The following SMARCA2 variants were observed in gnomAD, a reference collection of about 807,000 sequenced individuals.
The protein encoded by SMARCA2 is SWI/SNF-related matrix-associated actin-dependent regulator of chromatin subfamily A member 2.
Under a neutral mutation model 199.8 loss-of-function variants are expected in SMARCA2, and 61 were observed. That is an observed-to-expected ratio of 0.31 (90% confidence interval 0.25 to 0.38). SMARCA2 has a LOEUF of 0.38. SMARCA2 is among the 10% of genes least tolerant of loss of function. The probability of loss-of-function intolerance (pLI) is 1.00; values close to 1 mark genes in which losing one functional copy is unlikely to be tolerated. For synonymous variants in SMARCA2, 935 were observed against 732.0 expected, an observed-to-expected ratio of 1.28 and a Z score of -4.48; for missense variants, 1,344 against 2,012.2, an observed-to-expected ratio of 0.67 and a Z score of 6.35.
chr9:2,068,820 A>G (rs1371580312), intron 9 of SMARCA2: 1 of 152,092 alleles, frequency 6.6e-6, no homozygotes, highest in Non-Finnish European at 1.5e-5. Context: ...TAAAGATTTC[A>G]CTTGTCAGAG....
chr9:2,186,935 C>CCTGGAGGGCTTGAAGAATATGCCAGT (rs1554645327), intron 32 of SMARCA2, among the ~76,000 whole-genome samples: 1 of 152,212 alleles, frequency 6.6e-6, no homozygotes, highest in Non-Finnish European at 1.5e-5. Flanking sequence ...GGTTCTCAAA[C>CCTGGAGGGCTTGAAGAATATGCCAGT]CTGGAGGGCT....
At chr9:2,145,509 G>T (rs141730308) in intron 27 of SMARCA2, among the ~76,000 whole-genome samples, 1 of 152,068 alleles carries the variant, frequency 6.6e-6, no homozygotes, top group African/African-American at 2.4e-5. Context: ...GTGGTCAGGC[G>T]GTAGAATCAT....
At chr9:2,165,529 GC>G (rs1204959069) in intron 28 of SMARCA2, among the ~76,000 whole-genome samples, 1 of 152,074 alleles carries the variant, frequency 6.6e-6, no homozygotes, top group Non-Finnish European at 1.5e-5. Flanking sequence ...GTTGCTACTG[GC>G]CCCCATCATT....
chr9:2,027,876 A>G (rs1254688845), intron 1 of SMARCA2: 1 of 152,240 alleles, frequency 6.6e-6, no homozygotes, highest in Non-Finnish European at 1.5e-5. Context: ...ACATCATAAT[A>G]TAGAACAATT....
chr9:2,167,468 A>G (rs1825991533), intron 28 of SMARCA2, among the ~76,000 whole-genome samples: 1 of 152,234 alleles, frequency 6.6e-6, no homozygotes, highest in Non-Finnish European at 1.5e-5. Context: ...CTAGCCTTGA[A>G]GATGGATGCA....
intron 27 of SMARCA2, chr9:2,160,165 G>C (rs1825587574): frequency 2.1e-6 from 1 of 467,166 alleles, no homozygotes; most frequent in African/African-American, 2.0e-5. Context: ...CTGTATAGTG[G>C]GTGTCCTGCT....
chr9:2,071,839 T>C (rs1821101496), intron 10 of SMARCA2, among the ~76,000 whole-genome samples: 1 of 152,264 alleles, frequency 6.6e-6, no homozygotes, highest in Non-Finnish European at 1.5e-5. Context: ...TTTCCTTCTT[T>C]ATCTCTTGAG....
At chr9:2,109,731 C>G (rs537332590) in intron 23 of SMARCA2, among the ~76,000 whole-genome samples, 1 of 151,990 alleles carries the variant, frequency 6.6e-6, no homozygotes, top group Non-Finnish European at 1.5e-5. Flanking sequence ...ATGTTTTTAC[C>G]AACCAGACCA....
chr9:2,096,728 G>A lies in SMARCA2; in HGVS notation c.2955G>A (p.Gly985=). Residue 985 remains glycine (G), a synonymous_variant, in exon 20 of 34, where the codon GGG becomes GGA. Transcript: ENST00000349721. ...TGTATCGCCATATGCAAGCCAAGGG[G>A]ATCCTTCTCACAGATGGTTCTGAGA... ...KILYRHMQAK[G]ILLTDGSEKD... The A allele has an allele frequency of 6.2e-7, 1 of 1,613,514 alleles. No individual in the cohort carries two copies. Among genetic ancestry groups the A allele is most frequent in the Middle Eastern group, 1.6e-4 (1 of 6,062 alleles).
At chr9:2,135,504 T>G (rs1824153530) in intron 27 of SMARCA2, among the ~76,000 whole-genome samples, 1 of 152,100 alleles carries the variant, frequency 6.6e-6, no homozygotes, top group Admixed American at 6.5e-5. Flanking sequence ...AACTAAGACA[T>G]GCGTTGAGTT....
At chr9:2,033,929 T>C (rs10964497) in intron 3 of SMARCA2, among the ~76,000 whole-genome samples, 35,401 of 152,052 alleles carry the variant, frequency 0.23, 4,364 homozygotes, top group East Asian at 0.34. Context: ...TATGGCCTCA[T>C]CTTAATGTGA....
At chr9:2,101,662 C>A in intron 22 of SMARCA2, 46 bp downstream of exon 22, 1 of 921,964 alleles carries the variant, frequency 1.1e-6, no homozygotes, top group Non-Finnish European at 1.8e-6. Flanking sequence ...TGTTGTTGGC[C>A]TTACATAAAC....
chr9:2,075,041 A>G lies in SMARCA2; in HGVS notation c.1936-1188A>G, dbSNP rs1214313162. 2.6e-5 allele frequency: 4 copies of G among 152,362 alleles called. No individual in the cohort carries two copies. The South Asian group carries it at 6.2e-4, about 24-fold the overall frequency. 9.4% of individuals were successfully genotyped at this position (152,362 alleles called of 1,614,324 possible). The stretch of plus-strand genomic sequence containing the variant: ...GAGAGCCAGAGAGGGCAGAGATAAG[A>G]TGAAGTAGGCCGCCTAGCCAGCAGG... On this transcript the variant is annotated intron_variant, in intron 12 of 33. Transcript: ENST00000349721.
At chr9:2,085,714 C>T (rs1468747231) in intron 17 of SMARCA2, 1 of 151,704 alleles carries the variant, frequency 6.6e-6, no homozygotes, top group Non-Finnish European at 1.5e-5. Context: ...TTCCTTTTCT[C>T]CTGGCACGTC....
At chr9:2,065,302 A>C (rs1820788483) in intron 9 of SMARCA2, among the ~76,000 whole-genome samples, 1 of 152,184 alleles carries the variant, frequency 6.6e-6, no homozygotes, top group African/African-American at 2.4e-5. Context: ...CAGCAGAACT[A>C]TTCTTGTGTT....
chr9:2,088,674 A>T (rs1315993310), intron 19 of SMARCA2, 61 bp downstream of exon 19: 2 of 1,096,156 alleles, frequency 1.8e-6, no homozygotes, highest in East Asian at 4.7e-5. Flanking sequence ...TATTTGAAGT[A>T]CCTGCCTCTG....
At chr9:2,040,458 A>G (rs1336805812) in intron 4 of SMARCA2, 2 of 155,412 alleles carry the variant, frequency 1.3e-5, no homozygotes, top group African/African-American at 2.4e-5. Context: ...AAAAGTTCTC[A>G]TAGTTGCTGT....
chr9:2,095,373 C>A (rs557217100), intron 19 of SMARCA2, among the ~76,000 whole-genome samples: 8 of 151,968 alleles, frequency 5.3e-5, no homozygotes, highest in African/African-American at 9.6e-5. Flanking sequence ...CGTGAGCCAC[C>A]GCACCGGGCC....
At chr9:2,149,402 C>G (rs779868175) in intron 27 of SMARCA2, among the ~76,000 whole-genome samples, 1 of 151,282 alleles carries the variant, frequency 6.6e-6, no homozygotes, top group Non-Finnish European at 1.5e-5. Context: ...TGCCCGTAAT[C>G]CAAGCTACTC....
Sources: gnomAD v4.1 joint callset for allele counts (sites outside exome capture counted in the v4.1 genomes callset) on GRCh38, gnomAD v4.1.1 for gene constraint, MANE v1.5 for transcripts, NCBI Gene and HGNC (gene_info 2026-07-23, HGNC 2026-07-21) for gene names.